The following SFMBT2 variants were observed in gnomAD, a reference collection of about 807,000 sequenced individuals.
The protein encoded by SFMBT2 is scm-like with four MBT domains protein 2.
In SFMBT2, 38 loss-of-function variants were observed where a neutral mutation model predicts 110.1. The observed-to-expected ratio is 0.35, with a 90% CI of 0.27 to 0.45. The LOEUF is 0.45. Among genes scored for constraint, SFMBT2 ranks in the 20% least tolerant of loss-of-function variants. The probability of loss-of-function intolerance (pLI) is 1.00; values close to 1 mark genes in which losing one functional copy is unlikely to be tolerated. For synonymous variants in SFMBT2, 425 were observed against 425.4 expected, an observed-to-expected ratio of 1.00 and a Z score of 0.01; for missense variants, 1,011 against 1,094.9, an observed-to-expected ratio of 0.92 and a Z score of 1.08.
rs528127304 is a variant in SFMBT2 at position 7,274,709 on chromosome 10, G to C, written c.870+2183C>G. On this transcript the variant is annotated intron_variant, in intron 7 of 20. Transcript: ENST00000397167. ...AGCATGAGAACAAACTAATACATTA[G>C]CTAGGTGTGCTGGTGCATGCCTGTG... Among the ~76,000 whole-genome samples, 12 of 152,262 alleles carry C rather than the reference G, an allele frequency of 7.9e-5. No homozygotes were observed. The South Asian group carries it at 2.5e-3, about 32-fold the overall frequency.
At chr10:7,252,309 C>T (rs1233703713) in intron 7 of SFMBT2, among the ~76,000 whole-genome samples, 4 of 152,154 alleles carry the variant, frequency 2.6e-5, no homozygotes, top group Non-Finnish European at 5.9e-5. Context: ...CAGTGGCTGC[C>T]GCTGCTTGGA....
chr10:7,208,030 G>A (rs1201926953), intron 11 of SFMBT2, among the ~76,000 whole-genome samples: 1 of 152,314 alleles, frequency 6.6e-6, no homozygotes, highest in East Asian at 1.9e-4. Context: ...TTTGAACAAG[G>A]TTAAATAAAT....
chr10:7,399,006 C>G (rs1257977883), intron 1 of SFMBT2, among the ~76,000 whole-genome samples: 2 of 152,192 alleles, frequency 1.3e-5, no homozygotes, highest in Admixed American at 6.5e-5. Context: ...AACAAACGCA[C>G]AGCAATGATG....
chr10:7,279,123 C>A (rs974291915), intron 6 of SFMBT2, among the ~76,000 whole-genome samples: 5 of 151,270 alleles, frequency 3.3e-5, no homozygotes, highest in Non-Finnish European at 5.9e-5. Context: ...AAACTTAAGG[C>A]CAGGAGGAAT....
chr10:7,354,367 G>C (rs1363495805), intron 4 of SFMBT2, among the ~76,000 whole-genome samples: 1 of 152,290 alleles, frequency 6.6e-6, no homozygotes, highest in Non-Finnish European at 1.5e-5. Context: ...GCAGTGTCAT[G>C]AGTAAACATA....
chr10:7,172,668 G>A lies in SFMBT2; in HGVS notation c.1985-7C>T. The A allele has an allele frequency of 1.9e-6, 3 of 1,608,368 alleles. No individual in the cohort carries two copies. The highest frequency in any genetic ancestry group is 2.5e-6 in the Non-Finnish European group (3 of 1,176,632). On this transcript the variant is annotated splice_region_variant and splice_polypyrimidine_tract_variant and intron_variant, in intron 17 of 20. Coordinates refer to ENST00000397167, the MANE Select transcript of SFMBT2 (RefSeq NM_001387889.1). This position sits in a 1 kb window ranked among gnomAD's most constrained non-coding sequence, Gnocchi z 4.6. ...CTCTTTCCATAGTAATAGGCTGTAG[G>A]AAGGAAGATGAGAAACTTTTGAAGG... is the stretch of plus-strand genomic sequence containing the variant.
chr10:7,350,685 AAGAAG>A (rs1387518850), intron 4 of SFMBT2, among the ~76,000 whole-genome samples: 1 of 152,224 alleles, frequency 6.6e-6, no homozygotes, highest in African/African-American at 2.4e-5. Context: ...CTGCATGACA[AAGAAG>A]AGAAGAGTTC....
At chr10:7,328,096 T>C (rs1360312281) in intron 4 of SFMBT2, among the ~76,000 whole-genome samples, 1 of 152,258 alleles carries the variant, frequency 6.6e-6, no homozygotes, top group Non-Finnish European at 1.5e-5. Flanking sequence ...ACTAGCAACA[T>C]ACAAGAGTTC....
intron 13 of SFMBT2, among the ~76,000 whole-genome samples, chr10:7,201,994 T>C (rs1838971154): frequency 6.6e-6 from 1 of 152,230 alleles, no homozygotes; most frequent in Non-Finnish European, 1.5e-5. Flanking sequence ...GCCAGGGCAC[T>C]GAGGGGCAGA....
chr10:7,186,343 CA>C (rs757246139), intron 16 of SFMBT2, among the ~76,000 whole-genome samples: 205 of 151,662 alleles, frequency 1.4e-3, no homozygotes, highest in Non-Finnish European at 1.4e-3. Context: ...CAACAGCTCC[CA>C]TAATCAACCA....
chr10:7,386,378 G>T (rs926562232), intron 1 of SFMBT2, among the ~76,000 whole-genome samples: 1 of 152,166 alleles, frequency 6.6e-6, no homozygotes, highest in Non-Finnish European at 1.5e-5. Context: ...GGAGGCCAAG[G>T]TGGGCAGATT....
intron 1 of SFMBT2, among the ~76,000 whole-genome samples, chr10:7,401,687 C>T (rs1846087764): frequency 6.6e-6 from 1 of 152,194 alleles, no homozygotes; most frequent in Non-Finnish European, 1.5e-5. Context: ...CCCAAAACCT[C>T]CTTCCAAAGA....
chr10:7,197,743 G>A (rs79856959), intron 14 of SFMBT2, 56 bp from the exon 15 acceptor site: 42,016 of 1,573,580 alleles, frequency 0.027, 738 homozygotes, highest in Non-Finnish European at 0.03. Flanking sequence ...GACCCTAGGG[G>A]ACCCCTAGAC....
intron 17 of SFMBT2, among the ~76,000 whole-genome samples, chr10:7,174,028 C>T (rs529248460): frequency 2.6e-5 from 4 of 152,186 alleles, no homozygotes; most frequent in Non-Finnish European, 4.4e-5. Context: ...TCCTCCCCTG[C>T]GTTTGATCAC....
intron 13 of SFMBT2, chr10:7,200,922 G>T (rs1838935633): frequency 2.5e-6 from 2 of 792,514 alleles, no homozygotes; most frequent in African/African-American, 1.9e-5. Context: ...GGGCCCGCGG[G>T]AGTCATGGCC....
chr10:7,268,141 C>T (rs570189092), intron 7 of SFMBT2, among the ~76,000 whole-genome samples: 2 of 152,282 alleles, frequency 1.3e-5, no homozygotes, highest in African/African-American at 4.8e-5. Flanking sequence ...AGACACGTGA[C>T]ATGTTACAAT....
chr10:7,221,930 C>G (rs1405356116), intron 10 of SFMBT2, among the ~76,000 whole-genome samples: 2 of 152,126 alleles, frequency 1.3e-5, no homozygotes, highest in African/African-American at 4.8e-5. Context: ...GGTAATTAGT[C>G]CCTCCAAAGC....
At chr10:7,407,827 T>A (rs899582173) in intron 1 of SFMBT2, among the ~76,000 whole-genome samples, 3 of 152,190 alleles carry the variant, frequency 2.0e-5, no homozygotes, top group African/African-American at 7.2e-5. Flanking sequence ...TCCGTGGCTA[T>A]TGCCCCGAAT....
chr10:7,352,544 C>T (rs138682642), intron 4 of SFMBT2, among the ~76,000 whole-genome samples: 2 of 152,114 alleles, frequency 1.3e-5, no homozygotes, highest in Non-Finnish European at 2.9e-5. Context: ...TAGACAGACA[C>T]ATTTTTAAAC....
Sources: allele counts gnomAD v4.1 joint callset (sites outside exome capture counted in the v4.1 genomes callset), GRCh38; gene constraint gnomAD v4.1.1; non-coding constraint Gnocchi (gnomAD v3.1); transcripts MANE v1.5; gene names NCBI Gene and HGNC (gene_info 2026-07-23, HGNC 2026-07-21).